Variants in DYNC2H1 observed in about 807,000 individuals in gnomAD.
DYNC2H1 encodes cytoplasmic dynein 2 heavy chain 1.
DYNC2H1 carries 410 observed loss-of-function variants against 570.0 expected under a neutral mutation model. The ratio of observed to expected loss-of-function variants is 0.72; its 90% CI spans 0.66 to 0.78. The LOEUF is 0.78. Ranked by LOEUF, DYNC2H1 falls within the 30% of genes least tolerant of loss-of-function variation. The probability of loss-of-function intolerance (pLI) is 0.00; values close to 1 mark genes in which losing one functional copy is unlikely to be tolerated. For synonymous variants in DYNC2H1, 1,688 were observed against 1,677.6 expected, an observed-to-expected ratio of 1.01 and a Z score of -0.15; for missense variants, 4,865 against 5,046.4, an observed-to-expected ratio of 0.96 and a Z score of 1.09.
At chr11:103,191,987 G>T in intron 46 of DYNC2H1, 110 bp from the exon 47 acceptor site, 2 of 845,604 alleles carry the variant, frequency 2.4e-6, no homozygotes, top group Non-Finnish European at 3.3e-6. Context: ...CCATTTATCT[G>T]ATGCCAAAAT....
intron 85 of DYNC2H1, among the ~76,000 whole-genome samples, chr11:103,450,637 T>C (rs530529022): frequency 2.0e-5 from 3 of 152,226 alleles, no homozygotes; most frequent in Non-Finnish European, 4.4e-5. Flanking sequence ...TTTAATTGAA[T>C]AAAAATTAAA....
At chr11:103,229,231 C>T (rs1748658812) in intron 59 of DYNC2H1, among the ~76,000 whole-genome samples, 1 of 152,176 alleles carries the variant, frequency 6.6e-6, no homozygotes, top group South Asian at 2.1e-4. Context: ...TGACCCAGTT[C>T]CTTCAAAGGG....
At chr11:103,382,956 A>G (rs1233289145) in intron 83 of DYNC2H1, among the ~76,000 whole-genome samples, 1 of 152,238 alleles carries the variant, frequency 6.6e-6, no homozygotes, top group African/African-American at 2.4e-5. Flanking sequence ...AGATATTTGC[A>G]GGAAGCAGCT....
At chr11:103,476,712 A>G (rs1031950654) in intron 88 of DYNC2H1, among the ~76,000 whole-genome samples, 2 of 151,974 alleles carry the variant, frequency 1.3e-5, no homozygotes, top group African/African-American at 4.8e-5. Context: ...GGGCCAGAAG[A>G]GTCAGAGCAG....
chr11:103,113,547 G>C lies in DYNC2H1; in HGVS notation c.206G>C (p.Gly69Ala). Residue 69 changes from glycine to alanine, a missense_variant, in exon 2 of 89, where the codon GGT becomes GCT. This residue lies in a region of DYNC2H1 where 1,936 missense variants were observed against 1,962.1 expected (regional missense o/e 0.99). Coordinates refer to ENST00000375735, the MANE Select transcript of DYNC2H1 (RefSeq NM_001377.3). Reference protein sequence around the residue: ...GISFSNTIEFGDTKDKVLVFF... With the variant: ...GISFSNTIEFADTKDKVLVFF... ...CATTTATCACTTTAGATTGAGTTTG[G>C]TGACACAAAAGATAAAGTGCTGGTG... The C allele has an allele frequency of 6.4e-7, 1 of 1,554,916 alleles. No individual in the cohort carries two copies.
rs1052612439 is a variant in DYNC2H1, at chr11:103,165,949, A to G, written c.4663A>G (p.Ile1555Val). ...ATTCACTGAAGATGTAGAAAATGCT[A>G]TTAAAGATCATAGTCTTCATCAGAT... ...IKFTEDVENA[I>V]KDHSLHQIET... The change falls in exon 31 of 89, where the codon ATT (isoleucine) becomes GTT (valine). Residue 1555 changes from isoleucine (I) to valine (V), a missense_variant. Physicochemically the swap from Ile to Val is conservative, Grantham distance 29. Coordinates refer to ENST00000375735, the MANE Select transcript of DYNC2H1 (RefSeq NM_001377.3). 4.0e-6 allele frequency: 6 copies of G among 1,514,820 alleles called. No homozygotes were observed. The highest frequency in any genetic ancestry group is 5.3e-6 in the Non-Finnish European group (6 of 1,131,042). The allele number at this position is 1,514,820 out of a possible 1,614,324, so 93.8% of individuals were successfully genotyped here.
At chr11:103,411,010 G>A (rs1445071178) in intron 84 of DYNC2H1, among the ~76,000 whole-genome samples, 1 of 152,098 alleles carries the variant, frequency 6.6e-6, no homozygotes, top group Non-Finnish European at 1.5e-5. Flanking sequence ...TTTCACTGGG[G>A]TGGGGATGCT....
chr11:103,262,688 G>A (rs1384963246), intron 70 of DYNC2H1, among the ~76,000 whole-genome samples: 2 of 151,984 alleles, frequency 1.3e-5, no homozygotes. Flanking sequence ...CCTTACAAGA[G>A]CTCCTGAAGG....
At chr11:103,308,600 G>A (rs1040363544) in intron 78 of DYNC2H1, among the ~76,000 whole-genome samples, 4 of 152,048 alleles carry the variant, frequency 2.6e-5, no homozygotes, top group African/African-American at 4.8e-5. Context: ...TGGCTACATC[G>A]TTTTACATTC....
intron 30 of DYNC2H1, among the ~76,000 whole-genome samples, chr11:103,164,358 T>G (rs1861213828): frequency 6.6e-6 from 1 of 152,200 alleles, no homozygotes; most frequent in Non-Finnish European, 1.5e-5. Flanking sequence ...TGTAAATAGT[T>G]CATTATCTAC....
intron 39 of DYNC2H1, among the ~76,000 whole-genome samples, chr11:103,180,825 G>C (rs1861821295): frequency 6.6e-6 from 1 of 151,218 alleles, no homozygotes. Flanking sequence ...GCCTACTTTG[G>C]GCTAATCTAA....
chr11:103,263,980 A>G (rs1013456343), intron 70 of DYNC2H1, among the ~76,000 whole-genome samples: 14 of 152,122 alleles, frequency 9.2e-5, no homozygotes, highest in African/African-American at 3.4e-4. Flanking sequence ...AGAAGAAAAG[A>G]GAGAAGAATC....
intron 20 of DYNC2H1, among the ~76,000 whole-genome samples, chr11:103,150,563 AG>A (rs1860486160): frequency 6.6e-6 from 1 of 152,188 alleles, no homozygotes; most frequent in South Asian, 2.1e-4. Flanking sequence ...GTGGAGACTG[AG>A]TTGTCTGGTA....
rs760509494 is a variant in DYNC2H1, at chr11:103,187,377, A to T, written c.6931A>T (p.Thr2311Ser). 3.1e-6 allele frequency: 5 copies of T among 1,612,998 alleles called. No homozygotes were observed. The highest frequency in any genetic ancestry group is 4.2e-6 in the Non-Finnish European group (5 of 1,179,350). ...GTACGCATTTTCACAACTCCGGTCC[A>T]CTCAAATTGCTACAGTTCACTGTAG... ...LRYAFSQLRSTQIATVHCSAQ... is the reference protein window; with the variant it reads ...LRYAFSQLRSSQIATVHCSAQ... Residue 2311 changes from threonine to serine, a missense_variant, in exon 43 of 89, where the codon ACT becomes TCT. By Grantham distance (58) the Thr-to-Ser change is moderately conservative. Around this residue, in one of 5 missense-constraint regions of DYNC2H1, gnomAD observed 2,401 missense variants for 2,454.6 expected, o/e 0.98. Coordinates refer to ENST00000375735, the MANE Select transcript of DYNC2H1 (RefSeq NM_001377.3).
chr11:103,115,028 T>C (rs1470367948), intron 3 of DYNC2H1, 149 bp from the exon 4 acceptor site: 5 of 479,630 alleles, frequency 1.0e-5, no homozygotes, highest in Non-Finnish European at 1.9e-5. Context: ...TAGTATGAAA[T>C]AGGAAACAAT....
At chr11:103,215,682 T>C (rs775628306) in intron 54 of DYNC2H1, 39 bp from the exon 55 acceptor site, 31 of 1,515,748 alleles carry the variant, frequency 2.0e-5, no homozygotes, top group Non-Finnish European at 2.7e-5. Context: ...GTAAAATTCC[T>C]TTTTTAAAAT....
At chr11:103,417,918 C>T (rs3133400) in intron 84 of DYNC2H1, among the ~76,000 whole-genome samples, 74,807 of 148,706 alleles carry the variant, frequency 0.5, 18,976 homozygotes, top group African/African-American at 0.59. Context: ...CCATAATAGA[C>T]TCATAAAGAA....
At chr11:103,214,779 A>G (rs945723849) in intron 54 of DYNC2H1, among the ~76,000 whole-genome samples, 2 of 144,362 alleles carry the variant, frequency 1.4e-5, no homozygotes, top group Admixed American at 1.4e-4. Flanking sequence ...TGAGCATGAG[A>G]TGTCTTTCCC....
chr11:103,143,179 A>G, intron 17 of DYNC2H1, 89 bp from the exon 18 acceptor site: 1 of 1,357,212 alleles, frequency 7.4e-7, no homozygotes, highest in South Asian at 1.4e-5. Flanking sequence ...TCCTCTTTTT[A>G]TTGGTTTTAA....
Sources: gnomAD v4.1 joint callset for allele counts (sites outside exome capture counted in the v4.1 genomes callset) on GRCh38, gnomAD v4.1.1 for gene constraint, gnomAD v4.1.1 regional missense constraint, MANE v1.5 for transcripts, NCBI Gene and HGNC (gene_info 2026-07-23, HGNC 2026-07-21) for gene names.